Variants in MAN1A1 observed in about 807,000 individuals in gnomAD.
MAN1A1 encodes mannosidase alpha class 1A member 1.
In MAN1A1, 29 loss-of-function variants were observed where a neutral mutation model predicts 70.8. The ratio of observed to expected loss-of-function variants is 0.41; its 90% confidence interval spans 0.31 to 0.56. The LOEUF (loss-of-function observed/expected upper bound fraction) is 0.56, where lower values mean the gene tolerates loss of function less well. MAN1A1 is among the 20% of genes least tolerant of loss of function. The pLI is 0.29. For missense variants in MAN1A1, 747 were observed against 841.3 expected, an observed-to-expected ratio of 0.89 and a Z score of 1.39; for synonymous variants, 349 against 330.1, an observed-to-expected ratio of 1.06 and a Z score of -0.62.
At chr6:119,297,487 T>C (rs927956135) in intron 4 of MAN1A1, among the ~76,000 whole-genome samples, 3 of 152,170 alleles carry the variant, frequency 2.0e-5, no homozygotes, top group Admixed American at 6.5e-5. Flanking sequence ...TATATATTTC[T>C]CAACTCTTTG....
chr6:119,179,423 A>G lies in MAN1A1; in HGVS notation c.*396T>C, dbSNP rs1003276345. ...ACTTATTATTATGGCTTTTTGCAACATGGCAAAACATTACAGCTTAAAGCA... is the reference window on the plus strand; with the variant it reads ...ACTTATTATTATGGCTTTTTGCAACGTGGCAAAACATTACAGCTTAAAGCA... On this transcript the variant is annotated 3_prime_UTR_variant, in exon 13 of 13. Transcript: ENST00000368468. 6 of 154,194 alleles carry G rather than the reference A, an allele frequency of 3.9e-5. No individual in the cohort carries two copies. The highest frequency in any genetic ancestry group is 1.4e-4 in the African/African-American group (6 of 41,480). The allele number at this position is 154,194 out of a possible 1,614,324, so 9.6% of individuals were successfully genotyped here. A position where few individuals can be genotyped will look rare whatever the true frequency, so the allele number is the denominator to read the frequency against.
At chr6:119,349,426 G>A in intron 1 of MAN1A1, 116 bp downstream of exon 1, 1 of 913,054 alleles carries the variant, frequency 1.1e-6, no homozygotes, top group Middle Eastern at 5.2e-4. Flanking sequence ...CACCGCCCTC[G>A]CAGCCCACTC....
intron 2 of MAN1A1, among the ~76,000 whole-genome samples, chr6:119,332,421 C>T (rs1459066759): frequency 1.3e-5 from 2 of 152,130 alleles, no homozygotes; most frequent in South Asian, 2.1e-4. Context: ...TAACTGTTGC[C>T]TCTGTTTTAA....
In MAN1A1 at chr6:119,348,994, G is replaced by T; in HGVS notation, c.72C>A (p.Gly24=). The T allele has an allele frequency of 7.0e-7, 1 of 1,432,042 alleles. No homozygotes were observed. Among genetic ancestry groups the T allele is most frequent in the Non-Finnish European group, 9.2e-7 (1 of 1,089,078 alleles). The allele number at this position is 1,432,042 out of a possible 1,614,324, so 88.7% of individuals were successfully genotyped here. The change falls in exon 2 of 13, where the codon GGC becomes GGA. Residue 24 remains glycine (G), a synonymous_variant. Coordinates refer to ENST00000368468, the MANE Select transcript of MAN1A1 (RefSeq NM_005907.4). Reference sequence around the variant, plus strand: ...GGCCCGACCCCTTCCTGCCACCGCCGCCGCCGAGCCCCCCGCCCAGGACGC... The same window carrying T: ...GGCCCGACCCCTTCCTGCCACCGCCTCCGCCGAGCCCCCCGCCCAGGACGC... ...AGGVLGGGLG[G]GGGRKGSGPA... is the part of the protein sequence containing the mutation.
chr6:119,349,188 C>T lies in MAN1A1; in HGVS notation c.-123G>A. On this transcript the variant is annotated 5_prime_UTR_variant, in exon 2 of 13. Transcript: ENST00000368468. ...AGGCCGCCCGACCCCCTCGGCTGGG[C>T]TGCGGATCCTCCCTGGGGGAACAAC... 1 of 1,228,334 alleles carries T rather than the reference C, an allele frequency of 8.1e-7. No homozygotes were observed. Among genetic ancestry groups the T allele is most frequent in the South Asian group, 3.8e-5 (1 of 26,078 alleles). 76.1% of individuals were successfully genotyped at this position (1,228,334 alleles called of 1,614,324 possible).
At chr6:119,304,075 A>C (rs1440498257) in intron 3 of MAN1A1, among the ~76,000 whole-genome samples, 1 of 138,272 alleles carries the variant, frequency 7.2e-6, no homozygotes, top group Non-Finnish European at 1.6e-5. Context: ...CCAAGACCAA[A>C]TCTATAAATA....
chr6:119,323,117 C>G (rs1326661041), intron 2 of MAN1A1, among the ~76,000 whole-genome samples: 1 of 152,202 alleles, frequency 6.6e-6, no homozygotes, highest in Non-Finnish European at 1.5e-5. Context: ...TCAAATTGAA[C>G]AAAAGATCGC....
intron 6 of MAN1A1, among the ~76,000 whole-genome samples, chr6:119,246,319 T>C (rs191562014): frequency 1.5e-4 from 23 of 152,300 alleles, no homozygotes; most frequent in South Asian, 8.3e-4. Context: ...TCTAGGATTG[T>C]AAACTGGCGG....
At chr6:119,298,604 T>C (rs1185732611) in intron 4 of MAN1A1, among the ~76,000 whole-genome samples, 8 of 151,636 alleles carry the variant, frequency 5.3e-5, no homozygotes, top group Non-Finnish European at 8.8e-5. Flanking sequence ...CTTTTCTTTT[T>C]TTTTTTTTTT....
At chr6:119,232,694 TG>T (rs1774720851) in intron 6 of MAN1A1, among the ~76,000 whole-genome samples, 1 of 145,938 alleles carries the variant, frequency 6.9e-6, no homozygotes, top group Non-Finnish European at 1.5e-5. Flanking sequence ...TGTGTGTGTG[TG>T]TGTGTGTGTG....
intron 5 of MAN1A1, among the ~76,000 whole-genome samples, chr6:119,274,537 T>C (rs755126260): frequency 6.6e-6 from 1 of 152,364 alleles, no homozygotes. Context: ...TTCATTTATA[T>C]CAGATATGAT....
intron 4 of MAN1A1, among the ~76,000 whole-genome samples, chr6:119,293,653 T>G (rs1169017794): frequency 6.6e-6 from 1 of 152,160 alleles, no homozygotes; most frequent in African/African-American, 2.4e-5. Flanking sequence ...TTTAAATAAT[T>G]TAGAAACCTT....
At chr6:119,241,416 G>T (rs1018623486) in intron 6 of MAN1A1, among the ~76,000 whole-genome samples, 1 of 152,130 alleles carries the variant, frequency 6.6e-6, no homozygotes, top group Non-Finnish European at 1.5e-5. Context: ...TATTACAGTG[G>T]TTCTCAAAGT....
At position 119,347,552 on chromosome 6, in the gene MAN1A1, C is replaced by CA. The variant is rs139348441; in HGVS notation, c.603+910dup. ...GTAGCTCAGAGAGGAGGCATGTCCA[C>CA]AGACCGCGTGGTGACAGGTGACTGG... On this transcript the variant is annotated intron_variant, in intron 2 of 12. Transcript: ENST00000368468. Among the ~76,000 whole-genome samples the CA allele has an allele frequency of 2.2e-4, 33 of 152,308 alleles. No individual in the cohort carries two copies. In the East Asian group the frequency reaches 6.0e-3, roughly 28 times the overall value.
intron 2 of MAN1A1, among the ~76,000 whole-genome samples, chr6:119,332,686 G>A (rs866672266): frequency 2.0e-5 from 3 of 151,708 alleles, no homozygotes; most frequent in South Asian, 4.2e-4. Flanking sequence ...GCGTGGTGGC[G>A]GGCACCTGTA....
intron 8 of MAN1A1, 25 bp downstream of exon 8, chr6:119,201,229 T>C (rs770710766): frequency 2.6e-6 from 4 of 1,528,274 alleles, no homozygotes; most frequent in African/African-American, 1.4e-5. Context: ...AAAAGAGCTA[T>C]AATAATGCAA....
chr6:119,201,831 T>C (rs941006005), intron 7 of MAN1A1, among the ~76,000 whole-genome samples: 1 of 152,166 alleles, frequency 6.6e-6, no homozygotes, highest in Non-Finnish European at 1.5e-5. Context: ...AAATACACTA[T>C]AAAAGATGAA....
chr6:119,199,805 G>A (rs546857857), intron 8 of MAN1A1, among the ~76,000 whole-genome samples: 5 of 151,202 alleles, frequency 3.3e-5, no homozygotes, highest in South Asian at 2.1e-4. Flanking sequence ...CCAGCTACTC[G>A]GGGCGGGGGG....
chr6:119,306,606 T>G (rs715374), intron 3 of MAN1A1, among the ~76,000 whole-genome samples: 57,492 of 152,036 alleles, frequency 0.38, 11,353 homozygotes, highest in Non-Finnish European at 0.41. Flanking sequence ...GAGGCTAAAA[T>G]TTATGATACT....
Sources: allele counts gnomAD v4.1 joint callset (sites outside exome capture counted in the v4.1 genomes callset), GRCh38; gene constraint gnomAD v4.1.1; transcripts MANE v1.5; gene names NCBI Gene and HGNC (gene_info 2026-07-23, HGNC 2026-07-21).